PPP6R3: variants seen among roughly 807,000 people sequenced by gnomAD.
The protein encoded by PPP6R3 is serine/threonine-protein phosphatase 6 regulatory subunit 3.
In PPP6R3, 38 loss-of-function variants were observed where a neutral mutation model predicts 110.7. The ratio of observed to expected loss-of-function variants is 0.34; its 90% CI spans 0.26 to 0.45. The LOEUF (loss-of-function observed/expected upper bound fraction) is 0.45, where lower values mean the gene tolerates loss of function less well. Ranked by LOEUF, PPP6R3 falls within the 20% of genes least tolerant of loss-of-function variation. The pLI, the probability that PPP6R3 is intolerant of heterozygous loss-of-function variation, is 1.00. For missense variants in PPP6R3, 870 were observed against 1,062.4 expected (o/e 0.82, Z 2.52); for synonymous variants, 369 against 373.5 (o/e 0.99, Z 0.14).
chr11:68,512,503 A>G (rs191220264), intron 1 of PPP6R3, among the ~76,000 whole-genome samples: 14 of 152,354 alleles, frequency 9.2e-5, no homozygotes, highest in Admixed American at 1.3e-4. Flanking sequence ...CTGAAAGCCA[A>G]TTACCGGGGA....
chr11:68,475,753 G>T (rs1267632007), intron 1 of PPP6R3, among the ~76,000 whole-genome samples: 1 of 151,960 alleles, frequency 6.6e-6, no homozygotes, highest in Non-Finnish European at 1.5e-5. Flanking sequence ...CGGGGCGGCT[G>T]CCGGGCGGAG....
rs568611934 is a variant in PPP6R3, at chr11:68,513,530, TAA to T, written c.-157-5969_-157-5968del. On this transcript the variant is annotated intron_variant, in intron 1 of 23. Transcript: ENST00000393800. ...GACTTTGAAACAGACAGCATGTACTTAAAGAGTTTGAAGACCACAACCACTCT... is the reference window on the plus strand; with the variant it reads ...GACTTTGAAACAGACAGCATGTACTTAGAGTTTGAAGACCACAACCACTCT... Among the ~76,000 whole-genome samples, 109 of 152,292 alleles carry T rather than the reference TAA, an allele frequency of 7.2e-4. 1 individual carries two copies. In the South Asian group the frequency reaches 0.013, roughly 19 times the overall value.
intron 1 of PPP6R3, among the ~76,000 whole-genome samples, chr11:68,502,102 C>T (rs1247879300): frequency 6.6e-6 from 1 of 152,200 alleles, no homozygotes; most frequent in Non-Finnish European, 1.5e-5. Flanking sequence ...CTGGTACCCT[C>T]ATGAAATGCT....
intron 8 of PPP6R3, among the ~76,000 whole-genome samples, chr11:68,561,265 T>G (rs2099418662): frequency 6.6e-6 from 1 of 152,140 alleles, no homozygotes; most frequent in Admixed American, 6.5e-5. Context: ...TGTTTGGCAT[T>G]TTTTTCCACC....
At chr11:68,581,841 C>T (rs1189562584) in intron 14 of PPP6R3, among the ~76,000 whole-genome samples, 1 of 152,220 alleles carries the variant, frequency 6.6e-6, no homozygotes, top group Non-Finnish European at 1.5e-5. Context: ...AATGGGAGTG[C>T]TTTATCTATA....
At chr11:68,543,087 C>G (rs1159401035) in intron 3 of PPP6R3, among the ~76,000 whole-genome samples, 1 of 152,180 alleles carries the variant, frequency 6.6e-6, no homozygotes, top group Admixed American at 6.5e-5. Flanking sequence ...TTACTTTATG[C>G]CAGGCCCTCT....
At chr11:68,562,637 G>A (rs571327752) in intron 8 of PPP6R3, among the ~76,000 whole-genome samples, 2 of 152,290 alleles carry the variant, frequency 1.3e-5, no homozygotes, top group African/African-American at 4.8e-5. Flanking sequence ...TTTTAACAGA[G>A]GCATGGGGGC....
At chr11:68,586,944 C>G (rs985535638) in intron 15 of PPP6R3, 1 of 152,308 alleles carries the variant, frequency 6.6e-6, no homozygotes, top group Non-Finnish European at 1.5e-5. Context: ...AGCCAACAGC[C>G]GCCTCCCTGC....
At chr11:68,514,070 G>A (rs568481921) in intron 1 of PPP6R3, among the ~76,000 whole-genome samples, 3 of 152,206 alleles carry the variant, frequency 2.0e-5, no homozygotes, top group Admixed American at 6.5e-5. Context: ...ATGTATGTAC[G>A]AATGAATGAA....
intron 2 of PPP6R3, among the ~76,000 whole-genome samples, chr11:68,528,275 A>C (rs184331133): frequency 3.5e-3 from 540 of 152,326 alleles, no homozygotes; most frequent in Non-Finnish European, 5.7e-3. Context: ...AGATTCTGGA[A>C]TACCTGGGTG....
rs544741674 is a variant in PPP6R3, at chr11:68,483,261, C to T, written c.-158+22434C>T. Among the ~76,000 whole-genome samples the T allele has an allele frequency of 2.6e-5, 4 of 152,198 alleles. No individual in the cohort carries two copies. The South Asian group carries it at 8.3e-4, about 32-fold the overall frequency. On this transcript the variant is annotated intron_variant, in intron 1 of 23. Transcript: ENST00000393800. ...ATTGCTTTTAAATTCTATAAATGAC[C>T]AATTATTTAGCAAATCTTTTAAAAT... is the stretch of plus-strand genomic sequence containing the variant.
intron 1 of PPP6R3, among the ~76,000 whole-genome samples, chr11:68,507,711 C>A (rs2099086076): frequency 6.6e-6 from 1 of 152,124 alleles, no homozygotes; most frequent in South Asian, 2.1e-4. Context: ...CCTGGGACTT[C>A]CTGATGCCAG....
At chr11:68,596,306 AGAT>A (rs1203352815) in intron 19 of PPP6R3, 88 bp downstream of exon 19, 3 of 1,546,622 alleles carry the variant, frequency 1.9e-6, no homozygotes, top group Admixed American at 1.7e-5. Context: ...ACAGCATCTG[AGAT>A]GATATCTGAA....
chr11:68,491,328 CTG>C (rs60972668), intron 1 of PPP6R3, among the ~76,000 whole-genome samples: 31,246 of 122,976 alleles, frequency 0.25, 3,396 homozygotes, highest in South Asian at 0.37. Flanking sequence ...GTGTCTTCAG[CTG>C]TGTGTGTGTG....
chr11:68,610,114 T>C (rs1210518428), intron 23 of PPP6R3, 91 bp downstream of exon 23: 9 of 1,521,348 alleles, frequency 5.9e-6, no homozygotes, highest in Non-Finnish European at 7.9e-6. Context: ...AGGGATCGTT[T>C]ACAGCTGTGC....
At chr11:68,492,004 C>T (rs2098987239) in intron 1 of PPP6R3, among the ~76,000 whole-genome samples, 1 of 152,158 alleles carries the variant, frequency 6.6e-6, no homozygotes, top group South Asian at 2.1e-4. Context: ...CCGCCCAGAC[C>T]CTGGCAACTG....
At chr11:68,555,160 T>C (rs1365019647) in intron 7 of PPP6R3, among the ~76,000 whole-genome samples, 4 of 152,218 alleles carry the variant, frequency 2.6e-5, no homozygotes, top group African/African-American at 9.6e-5. Context: ...TTCTCTGAAG[T>C]AGCAAAACTA....
At chr11:68,465,539 C>G (rs1043459364) in intron 1 of PPP6R3, among the ~76,000 whole-genome samples, 1 of 152,340 alleles carries the variant, frequency 6.6e-6, no homozygotes, top group Middle Eastern at 3.4e-3. Context: ...GAGGCATTTT[C>G]TTATTCTTCA....
chr11:68,601,839 T>C lies in PPP6R3; in HGVS notation c.2193-24T>C, dbSNP rs576248688. On this transcript the variant is annotated intron_variant, in intron 20 of 23. Transcript: ENST00000393800. ...TGAGGACCATTCCCTGCTGCTAATA[T>C]CTGAATTTTCTCTTTTTTGAAAGCA... is the stretch of plus-strand genomic sequence containing the variant. The C allele has an allele frequency of 3.8e-5, 60 of 1,579,630 alleles. No homozygotes were observed. The South Asian group carries it at 4.5e-4, about 12-fold the overall frequency.
Sources: allele counts gnomAD v4.1 joint callset (sites outside exome capture counted in the v4.1 genomes callset), GRCh38; gene constraint gnomAD v4.1.1; transcripts MANE v1.5; gene names NCBI Gene and HGNC (gene_info 2026-07-23, HGNC 2026-07-21).